The following NKX2-4 variants were observed in gnomAD, a reference collection of about 807,000 sequenced individuals.
NKX2-4 encodes the protein NK2 homeobox 4, also known as homeobox protein Nkx-2.4.
In NKX2-4, 6 loss-of-function variants were observed where a neutral mutation model predicts 8.6. That is an observed-to-expected ratio of 0.70 (90% CI 0.38 to 1.38). The LOEUF (loss-of-function observed/expected upper bound fraction) is 1.38. Among genes scored for constraint, NKX2-4 ranks in the 40% most tolerant of loss-of-function variants. The pLI is 0.02. For missense variants in NKX2-4, 601 were observed against 548.4 expected (o/e 1.10, Z -0.96); for synonymous variants, 299 against 272.6 (o/e 1.10, Z -0.95).
rs2039009170 is a variant in NKX2-4, at chr20:21,395,664, ACTT to A, written c.*244_*246del. 6.1e-6 allele frequency: 2 copies of A among 330,410 alleles called. No individual in the cohort carries two copies. The highest frequency in any genetic ancestry group is 2.1e-5 in the African/African-American group (1 of 46,596). The allele number at this position is 330,410 out of a possible 1,614,324, so 20.5% of individuals were successfully genotyped here. On this transcript the variant is annotated 3_prime_UTR_variant, in exon 2 of 2. Transcript: ENST00000351817. ...CTCCACCTTTTCGCGTCATTTAAGA[ACTT>A]CTAGGAGGAGAAAATCACCACCTCA...
At position 21,395,989 on chromosome 20, in the gene NKX2-4, C is replaced by T. The variant is rs539931571; in HGVS notation, c.987G>A (p.Leu329=). 1.5e-5 allele frequency: 19 copies of T among 1,267,442 alleles called. No individual in the cohort carries two copies. In the East Asian group the frequency reaches 4.2e-4, roughly 28 times the overall value. The allele number at this position is 1,267,442 out of a possible 1,614,324, so 78.5% of individuals were successfully genotyped here. Residue 329 remains leucine, a synonymous_variant, in exon 2 of 2, where the codon CTG becomes CTA. Coordinates refer to ENST00000351817, the MANE Select transcript of NKX2-4 (RefSeq NM_033176.2). ...PPALHGPGGG[L]AALDAAAGEY... ...CCCCGGCGGCCGCGTCCAGGGCCGC[C>T]AGGCCGCCCCCCGGGCCGTGCAGCG...
chr20:21,395,966 C>T lies in NKX2-4; in HGVS notation c.1010G>A (p.Gly337Glu). The change falls in exon 2 of 2, where the codon GGG (glycine) becomes GAG (glutamate). Residue 337 changes from glycine to glutamate, a missense_variant. By Grantham distance (98) the Gly-to-Glu change is moderately conservative. Coordinates refer to ENST00000351817, the MANE Select transcript of NKX2-4 (RefSeq NM_033176.2). ...GCCCAGGACGCCGCCGCTGTACTCC[C>T]CGGCGGCCGCGTCCAGGGCCGCCAG... ...GGLAALDAAA[G>E]EYSGGVLGAN... 1 of 1,321,416 alleles carries T rather than the reference C, an allele frequency of 7.6e-7. No individual in the cohort carries two copies. The allele number at this position is 1,321,416 out of a possible 1,614,324, so 81.9% of individuals were successfully genotyped here.
chr20:21,396,959 T>A lies in NKX2-4; in HGVS notation c.441A>T (p.Ser147=). 2 of 1,455,252 alleles carry A rather than the reference T, an allele frequency of 1.4e-6. No homozygotes were observed. The highest frequency in any genetic ancestry group is 1.8e-6 in the Non-Finnish European group (2 of 1,105,800). 90.1% of individuals were successfully genotyped at this position (1,455,252 alleles called of 1,614,324 possible). ...YGANPDPRYS[S]ISRFMGPSAG... is the part of the protein sequence containing the mutation. ...CCCCGCGCTCCTGGCCCCTCTCACT[T>A]GACGAGTAGCGTGGGTCCGGGTTGG... is the stretch of plus-strand genomic sequence containing the variant. The change falls in exon 1 of 2, where the codon TCA becomes TCT. Residue 147 remains serine, a splice_region_variant and synonymous_variant. Coordinates refer to ENST00000351817, the MANE Select transcript of NKX2-4 (RefSeq NM_033176.2).
rs2039009489 is a variant in NKX2-4 at position 21,395,704 on chromosome 20, CATA to C, written c.*204_*206del. ...AAATCACCACCTCAAAGCCTCGTGG[CATA>C]ATGTTACACTACTCGGTTTCCGGGC... On this transcript the variant is annotated 3_prime_UTR_variant, in exon 2 of 2. Coordinates refer to ENST00000351817, the MANE Select transcript of NKX2-4 (RefSeq NM_033176.2). 2.9e-5 allele frequency: 11 copies of C among 375,758 alleles called. No individual in the cohort carries two copies. The Middle Eastern group carries it at 2.1e-3, about 71-fold the overall frequency. 23.3% of individuals were successfully genotyped at this position (375,758 alleles called of 1,614,324 possible).
In NKX2-4 at chr20:21,395,741, T is replaced by A. The variant is rs2039009870; in HGVS notation, c.*170A>T. 1 of 480,636 alleles carries A rather than the reference T, an allele frequency of 2.1e-6. No individual in the cohort carries two copies. The highest frequency in any genetic ancestry group is 2.0e-5 in the African/African-American group (1 of 50,162). 29.8% of individuals were successfully genotyped at this position (480,636 alleles called of 1,614,324 possible). A position where few individuals can be genotyped will look rare whatever the true frequency, so the allele number is the denominator to read the frequency against. Reference sequence around the variant, plus strand: ...CTACTCGGTTTCCGGGCTGTCGCTGTCCCCCGCCCCCAGCAAGAGGTTCAC... The same window carrying A: ...CTACTCGGTTTCCGGGCTGTCGCTGACCCCCGCCCCCAGCAAGAGGTTCAC... On this transcript the variant is annotated 3_prime_UTR_variant, in exon 2 of 2. Coordinates refer to ENST00000351817, the MANE Select transcript of NKX2-4 (RefSeq NM_033176.2).
rs2122397384 is a variant in NKX2-4 at position 21,396,133 on chromosome 20, G to C, written c.843C>G (p.Val281=). 1 of 1,447,308 alleles carries C rather than the reference G, an allele frequency of 6.9e-7. No individual in the cohort carries two copies. The highest frequency in any genetic ancestry group is 3.0e-5 in the East Asian group (1 of 33,418). The allele number at this position is 1,447,308 out of a possible 1,614,324, so 89.7% of individuals were successfully genotyped here. The change falls in exon 2 of 2, where the codon GTC becomes GTG. Residue 281 remains valine (V), a synonymous_variant. Coordinates refer to ENST00000351817, the MANE Select transcript of NKX2-4 (RefSeq NM_033176.2). ...SPRRVAVPVL[V]KDGKPCQNGA... Reference sequence around the variant, plus strand: ...CGTTCTGGCACGGCTTGCCGTCCTTGACCAGCACAGGCACCGCCACGCGGC... The same window carrying C: ...CGTTCTGGCACGGCTTGCCGTCCTTCACCAGCACAGGCACCGCCACGCGGC...
Position 21,395,938 on chromosome 20 carries a change from G to T in NKX2-4, c.1038C>A (p.Ala346=). The T allele has an allele frequency of 7.5e-7, 1 of 1,337,742 alleles. No homozygotes were observed. The highest frequency in any genetic ancestry group is 2.4e-5 in the South Asian group (1 of 41,738). The allele number at this position is 1,337,742 out of a possible 1,614,324, so 82.9% of individuals were successfully genotyped here. ...AGEYSGGVLG[A]NLLYGRTW is the part of the protein sequence containing the mutation. The stretch of plus-strand genomic sequence containing the variant: ...ACCACGTCCTGCCATAGAGCAGGTT[G>T]GCGCCCAGGACGCCGCCGCTGTACT... Residue 346 remains alanine, a synonymous_variant, in exon 2 of 2, where the codon GCC becomes GCA. Transcript: ENST00000351817.
chr20:21,397,008 C>T lies in NKX2-4; in HGVS notation c.392G>A (p.Gly131Asp). The T allele has an allele frequency of 6.8e-7, 1 of 1,475,494 alleles. No individual in the cohort carries two copies. The highest frequency in any genetic ancestry group is 9.0e-7 in the Non-Finnish European group (1 of 1,116,466). 91.4% of individuals were successfully genotyped at this position (1,475,494 alleles called of 1,614,324 possible). ...LPAYTDGMRG[G>D]AATGWYGANP... ...GGCGCCGTACCAGCCGGTGGCCGCGCCGCCCCGCATGCCGTCCGTGTAGGC... is the reference window on the plus strand; with the variant it reads ...GGCGCCGTACCAGCCGGTGGCCGCGTCGCCCCGCATGCCGTCCGTGTAGGC... The change falls in exon 1 of 2, where the codon GGC becomes GAC. Residue 131 changes from glycine (G) to aspartate (D), a missense_variant. Gly to Asp is a moderately conservative substitution (Grantham distance 94). Transcript: ENST00000351817.
At position 21,396,467 on chromosome 20, in the gene NKX2-4, G is replaced by A. The variant is rs2039022361; in HGVS notation, c.509C>T (p.Ala170Val). 6.7e-7 allele frequency: 1 copy of A among 1,485,222 alleles called. No homozygotes were observed. Among genetic ancestry groups the A allele is most frequent in the Non-Finnish European group, 8.8e-7 (1 of 1,130,392 alleles). The allele number at this position is 1,485,222 out of a possible 1,614,324, so 92.0% of individuals were successfully genotyped here. A position where few individuals can be genotyped will look rare whatever the true frequency, so the allele number is the denominator to read the frequency against. Residue 170 changes from alanine to valine, a missense_variant, in exon 2 of 2, where the codon GCG becomes GTG. By Grantham distance (64) the Ala-to-Val change is moderately conservative. Coordinates refer to ENST00000351817, the MANE Select transcript of NKX2-4 (RefSeq NM_033176.2). Reference protein sequence around the residue: ...VAGMGSLTGIADAAKSLGPLH... With the variant: ...VAGMGSLTGIVDAAKSLGPLH... Reference sequence around the variant, plus strand: ...CGGGCCCAGCGACTTGGCGGCGTCCGCGATGCCGGTCAGCGACCCCATGCC... The same window carrying A: ...CGGGCCCAGCGACTTGGCGGCGTCCACGATGCCGGTCAGCGACCCCATGCC...
In NKX2-4 at chr20:21,395,978, T is replaced by C. The variant is rs2039013338; in HGVS notation, c.998A>G (p.Asp333Gly). Reference sequence around the variant, plus strand: ...GCCGCTGTACTCCCCGGCGGCCGCGTCCAGGGCCGCCAGGCCGCCCCCCGG... The same window carrying C: ...GCCGCTGTACTCCCCGGCGGCCGCGCCCAGGGCCGCCAGGCCGCCCCCCGG... ...HGPGGGLAAL[D>G]AAAGEYSGGV... The change falls in exon 2 of 2, where the codon GAC (aspartate) becomes GGC (glycine). Residue 333 changes from aspartate to glycine, a missense_variant. By Grantham distance (94) the Asp-to-Gly change is moderately conservative. Transcript: ENST00000351817. The C allele has an allele frequency of 1.5e-6, 2 of 1,301,302 alleles. No homozygotes were observed. The highest frequency in any genetic ancestry group is 1.9e-6 in the Non-Finnish European group (2 of 1,025,976). 80.6% of individuals were successfully genotyped at this position (1,301,302 alleles called of 1,614,324 possible). A position where few individuals can be genotyped will look rare whatever the true frequency, so the allele number is the denominator to read the frequency against.
Position 21,396,001 on chromosome 20 carries a change from CG to C in NKX2-4, c.974del (p.Pro325ArgfsTer51). 8.0e-7 allele frequency: 1 copy of C among 1,257,716 alleles called. No individual in the cohort carries two copies. Among genetic ancestry groups the C allele is most frequent in the Non-Finnish European group, 1.0e-6 (1 of 1,004,402 alleles). 77.9% of individuals were successfully genotyped at this position (1,257,716 alleles called of 1,614,324 possible). ...LSPSPPALHGPGGGLAALDAA... is the reference protein window; with the variant it reads ...LSPSPPALHGXGGGLAALDAA... ...CGTCCAGGGCCGCCAGGCCGCCCCC[CG>C]GGCCGTGCAGCGCGGGTGGGCTGGG... On this transcript the variant is annotated frameshift_variant, in exon 2 of 2. Transcript: ENST00000351817. LOFTEE classifies it low-confidence loss of function (END_TRUNC).
rs1304839742 is a variant in NKX2-4, at chr20:21,396,340, C to G, written c.636G>C (p.Lys212Asn). The G allele has an allele frequency of 8.1e-6, 13 of 1,601,776 alleles. No homozygotes were observed. Among genetic ancestry groups the G allele is most frequent in the South Asian group, 6.7e-5 (6 of 89,412 alleles). Residue 212 changes from lysine (K) to asparagine (N), a missense_variant, in exon 2 of 2, where the codon AAG becomes AAC. Lys to Asn is a moderately conservative substitution (Grantham distance 94). Transcript: ENST00000351817. ...YELERRFKQQ[K>N]YLSAPEREHL... is the part of the protein sequence containing the mutation. ...GCTCGCGCTCGGGCGCCGACAGGTA[C>G]TTCTGCTGCTTGAAGCGCCGCTCCA...
chr20:21,396,424 C>G lies in NKX2-4; in HGVS notation c.552G>C (p.Ala184=). ...KSLGPLHAAA[A]AAAPRRKRRV... ...GGCGCTTCCTTCGCGGAGCGGCTGCCGCCGCCGCCGCGTGCAGCGGGCCCA... is the reference window on the plus strand; with the variant it reads ...GGCGCTTCCTTCGCGGAGCGGCTGCGGCCGCCGCCGCGTGCAGCGGGCCCA... Residue 184 remains alanine, a synonymous_variant, in exon 2 of 2, where the codon GCG becomes GCC. Coordinates refer to ENST00000351817, the MANE Select transcript of NKX2-4 (RefSeq NM_033176.2). 7 of 1,504,300 alleles carry G rather than the reference C, an allele frequency of 4.7e-6. No homozygotes were observed. The highest frequency in any genetic ancestry group is 6.2e-6 in the Non-Finnish European group (7 of 1,133,602). The allele number at this position is 1,504,300 out of a possible 1,614,324, so 93.2% of individuals were successfully genotyped here. A position where few individuals can be genotyped will look rare whatever the true frequency, so the allele number is the denominator to read the frequency against.
rs983784247 is a variant in NKX2-4, at chr20:21,395,847, G to A, written c.*64C>T. ...CGGTTTTCGCATGCCTCCCCCATCC[G>A]TTCTAGCAGTTTCTTGCAGACCCTT... is the stretch of plus-strand genomic sequence containing the variant. On this transcript the variant is annotated 3_prime_UTR_variant, in exon 2 of 2. Transcript: ENST00000351817. 3 of 1,260,474 alleles carry A rather than the reference G, an allele frequency of 2.4e-6. No individual in the cohort carries two copies. Among genetic ancestry groups the A allele is most frequent in the Admixed American group, 6.2e-5 (2 of 32,246 alleles). 78.1% of individuals were successfully genotyped at this position (1,260,474 alleles called of 1,614,324 possible).
At position 21,397,129 on chromosome 20, in the gene NKX2-4, C is replaced by G. The variant is rs2039033462; in HGVS notation, c.271G>C (p.Ala91Pro). The change falls in exon 1 of 2, where the codon GCC (alanine) becomes CCC (proline). Residue 91 changes from alanine to proline, a missense_variant. Ala to Pro is a conservative substitution (Grantham distance 27). Transcript: ENST00000351817. ...AAAAAAAAAA[A>P]TYHMPPGVSQ... ...ACGCCGGGCGGCATGTGGTAGGTGG[C>G]GGCCGCCGCCGCCGCAGCTGCTGCC... 1.6e-6 allele frequency: 2 copies of G among 1,283,010 alleles called. No homozygotes were observed. Among genetic ancestry groups the G allele is most frequent in the African/African-American group, 3.1e-5 (2 of 64,114 alleles). 79.5% of individuals were successfully genotyped at this position (1,283,010 alleles called of 1,614,324 possible). A position where few individuals can be genotyped will look rare whatever the true frequency, so the allele number is the denominator to read the frequency against.
At position 21,397,350 on chromosome 20, in the gene NKX2-4, A is replaced by G. The variant is rs751310960; in HGVS notation, c.50T>C (p.Leu17Pro). 1.4e-6 allele frequency: 2 copies of G among 1,445,564 alleles called. No homozygotes were observed. The highest frequency in any genetic ancestry group is 1.4e-5 in the South Asian group (1 of 70,250). 89.5% of individuals were successfully genotyped at this position (1,445,564 alleles called of 1,614,324 possible). A position where few individuals can be genotyped will look rare whatever the true frequency, so the allele number is the denominator to read the frequency against. ...HTTPFSVSDI[L>P]SPIEETYKKF... ...CTTGTAGGTCTCCTCGATGGGGCTC[A>G]GGATGTCGGACACGGAGAAGGGCGT... Residue 17 changes from leucine to proline, a missense_variant, in exon 1 of 2, where the codon CTG (leucine) becomes CCG (proline). Physicochemically the swap from Leu to Pro is moderately conservative, Grantham distance 98 (BLOSUM62 -3). Coordinates refer to ENST00000351817, the MANE Select transcript of NKX2-4 (RefSeq NM_033176.2).
At chr20:21,396,638 C>G in intron 1 of NKX2-4, 105 bp from the exon 2 acceptor site, 1 of 975,934 alleles carries the variant, frequency 1.0e-6, no homozygotes, top group South Asian at 2.3e-5. Flanking sequence ...GCCGGGCCCT[C>G]GCTGAATCCC....
Position 21,396,422 on chromosome 20 carries a change from G to T in NKX2-4, c.554C>A (p.Ala185Glu). Residue 185 changes from alanine to glutamate, a missense_variant, in exon 2 of 2, where the codon GCA (alanine) becomes GAA (glutamate). By Grantham distance (107) the Ala-to-Glu change is moderately radical. Coordinates refer to ENST00000351817, the MANE Select transcript of NKX2-4 (RefSeq NM_033176.2). ...SLGPLHAAAA[A>E]AAPRRKRRVL... is the part of the protein sequence containing the mutation. ...GCGGCGCTTCCTTCGCGGAGCGGCT[G>T]CCGCCGCCGCCGCGTGCAGCGGGCC... 28 of 1,505,926 alleles carry T rather than the reference G, an allele frequency of 1.9e-5. No individual in the cohort carries two copies. Among genetic ancestry groups the T allele is most frequent in the Non-Finnish European group, 2.5e-5 (28 of 1,134,598 alleles). The allele number at this position is 1,505,926 out of a possible 1,614,324, so 93.3% of individuals were successfully genotyped here. A position where few individuals can be genotyped will look rare whatever the true frequency, so the allele number is the denominator to read the frequency against.
At position 21,395,952 on chromosome 20, in the gene NKX2-4, C is replaced by T. The variant is rs1471657726; in HGVS notation, c.1024G>A (p.Gly342Ser). 4 of 1,331,194 alleles carry T rather than the reference C, an allele frequency of 3.0e-6. No individual in the cohort carries two copies. In the South Asian group the frequency reaches 7.4e-5, roughly 25 times the overall value. 82.5% of individuals were successfully genotyped at this position (1,331,194 alleles called of 1,614,324 possible). Residue 342 changes from glycine (G) to serine (S), a missense_variant, in exon 2 of 2, where the codon GGC becomes AGC. Transcript: ENST00000351817. ...TAGAGCAGGTTGGCGCCCAGGACGC[C>T]GCCGCTGTACTCCCCGGCGGCCGCG... is the stretch of plus-strand genomic sequence containing the variant. ...LDAAAGEYSG[G>S]VLGANLLYGR... is the part of the protein sequence containing the mutation.
Sources: gnomAD v4.1 joint callset for allele counts on GRCh38, gnomAD v4.1.1 for gene constraint, MANE v1.5 for transcripts, NCBI Gene and HGNC (gene_info 2026-07-23, HGNC 2026-07-21) for gene names.